The following COG6 variants were observed in gnomAD, a reference collection of about 807,000 sequenced individuals.
The protein encoded by COG6 is conserved oligomeric Golgi complex subunit 6.
Under a neutral mutation model 88.8 loss-of-function variants are expected in COG6, and 74 were observed. The observed-to-expected ratio is 0.83, with a 90% CI of 0.69 to 1.01. The LOEUF is 1.01. Ranked by LOEUF, COG6 falls within the 50% of genes least tolerant of loss-of-function variation. COG6 has a pLI of 0.00. For synonymous variants in COG6, 286 were observed against 278.7 expected, an observed-to-expected ratio of 1.03 and a Z score of -0.26; for missense variants, 800 against 797.9, an observed-to-expected ratio of 1.00 and a Z score of -0.03.
chr13:39,757,042 C>T (rs1880858772), downstream of COG6, among the ~76,000 whole-genome samples: 3 of 152,204 alleles, frequency 2.0e-5, no homozygotes, highest in South Asian at 6.2e-4. Context: ...ACACATTCCT[C>T]TCAAATACAC....
At chr13:39,755,968 G>A (rs9603611), downstream of COG6, among the ~76,000 whole-genome samples, 32,764 of 152,078 alleles carry the variant, frequency 0.22, 3,664 homozygotes, top group Non-Finnish European at 0.24. Context: ...AACAACAAAC[G>A]GGGTGGGGCA....
exon 19 of COG6, chr13:39,790,517 T>C (rs757578434): frequency 1.3e-5 from 2 of 152,150 alleles, no homozygotes; most frequent in African/African-American, 2.4e-5. Context: ...TATGTTTTAA[T>C]ATCTCATAGA....
chr13:39,702,055 A>G (rs1233510994), intron 13 of COG6, among the ~76,000 whole-genome samples: 1 of 152,070 alleles, frequency 6.6e-6, no homozygotes, highest in East Asian at 1.9e-4. Flanking sequence ...AAACTTAGAG[A>G]GTACCATGTG....
intron 18 of COG6, among the ~76,000 whole-genome samples, chr13:39,734,666 TG>T (rs1879639389): frequency 6.6e-6 from 1 of 152,182 alleles, no homozygotes; most frequent in Non-Finnish European, 1.5e-5. Flanking sequence ...ATTTTCTCTC[TG>T]GGAAGTCTGT....
At chr13:39,742,847 G>T (rs1372675429) in intron 18 of COG6, among the ~76,000 whole-genome samples, 3 of 152,034 alleles carry the variant, frequency 2.0e-5, no homozygotes, top group African/African-American at 7.2e-5. Context: ...TGACCACATA[G>T]TTCGAAGTAA....
chr13:39,749,744 A>G (rs1880522652), intron 18 of COG6, among the ~76,000 whole-genome samples: 1 of 152,192 alleles, frequency 6.6e-6, no homozygotes, highest in South Asian at 2.1e-4. Flanking sequence ...AGCAAACCAG[A>G]GCCCAGAGAA....
At chr13:39,675,732 C>T (rs926872962) in intron 4 of COG6, among the ~76,000 whole-genome samples, 1 of 151,800 alleles carries the variant, frequency 6.6e-6, no homozygotes, top group African/African-American at 2.4e-5. Context: ...TTCCTTTGTG[C>T]CTAATAAATT....
At chr13:39,709,016 G>A (rs1472431628) in intron 13 of COG6, among the ~76,000 whole-genome samples, 1 of 152,086 alleles carries the variant, frequency 6.6e-6, no homozygotes, top group Admixed American at 6.6e-5. Flanking sequence ...GCAATATATG[G>A]CTCAAGGAGA....
chr13:39,656,010 C>G, intron 1 of COG6, 131 bp downstream of exon 1: 3 of 1,183,722 alleles, frequency 2.5e-6, no homozygotes. Flanking sequence ...GACCCCAGAC[C>G]TGCGGGCTCC....
rs4346098 is a variant in COG6, at chr13:39,682,346, G to A, written c.788+82G>A. ...TTTAAATTTTAGTATTATCAAAAGC[G>A]TATATAATAGTTTGAGTAATATTTA... On this transcript the variant is annotated intron_variant, in intron 8 of 18. Transcript: ENST00000455146. The A allele has an allele frequency of 0.25, 193,307 of 774,498 alleles. 24,990 individuals carry two copies. The highest frequency in any genetic ancestry group is 0.28 in the Non-Finnish European group (123,874 of 443,346). The allele number at this position is 774,498 out of a possible 1,614,324, so 48.0% of individuals were successfully genotyped here.
At chr13:39,673,504 T>G (rs1402383402) in intron 4 of COG6, among the ~76,000 whole-genome samples, 1 of 151,998 alleles carries the variant, frequency 6.6e-6, no homozygotes, top group Non-Finnish European at 1.5e-5. Flanking sequence ...TCTTCTTTTT[T>G]TCTATTTTAG....
At chr13:39,757,641 CAG>C (rs1880881281) in intron 18 of COG6, among the ~76,000 whole-genome samples, 1 of 149,584 alleles carries the variant, frequency 6.7e-6, no homozygotes, top group Non-Finnish European at 1.5e-5. Flanking sequence ...ATAAGGATAA[CAG>C]AATTCTATTA....
chr13:39,745,231 G>C (rs1039707487), intron 18 of COG6, among the ~76,000 whole-genome samples: 8 of 152,104 alleles, frequency 5.3e-5, no homozygotes, highest in Non-Finnish European at 1.2e-4. Context: ...AAAAGCCAAA[G>C]TAGGAAAATA....
At chr13:39,704,923 C>T (rs539951761) in intron 13 of COG6, among the ~76,000 whole-genome samples, 7 of 152,136 alleles carry the variant, frequency 4.6e-5, no homozygotes, top group South Asian at 2.1e-4. Flanking sequence ...CATTAGATTG[C>T]GACCGTGTTA....
At position 39,751,613 on chromosome 13, in the gene COG6, GA is replaced by G; in HGVS notation, c.*525del. 7.8e-7 allele frequency: 1 copy of G among 1,287,096 alleles called. No homozygotes were observed. 79.7% of individuals were successfully genotyped at this position (1,287,096 alleles called of 1,614,324 possible). A position where few individuals can be genotyped will look rare whatever the true frequency, so the allele number is the denominator to read the frequency against. ...GCCCTTAAAGAGTTGTTAGCAGAGA[GA>G]AAAATAACAGTGAATGTGCTCCTGG... On this transcript the variant is annotated 3_prime_UTR_variant, in exon 19 of 19. Coordinates refer to ENST00000455146, the MANE Select transcript of COG6 (RefSeq NM_020751.3).
intron 4 of COG6, among the ~76,000 whole-genome samples, chr13:39,676,596 A>C (rs1482009908): frequency 6.6e-6 from 1 of 152,178 alleles, no homozygotes; most frequent in Non-Finnish European, 1.5e-5. Flanking sequence ...GTGCAAATAA[A>C]ACAGAGGTGG....
intron 8 of COG6, among the ~76,000 whole-genome samples, chr13:39,682,780 G>A (rs952251854): frequency 1.3e-5 from 2 of 151,596 alleles, no homozygotes; most frequent in South Asian, 2.1e-4. Flanking sequence ...AATGCATTTT[G>A]TATTTGTTGA....
intron 13 of COG6, among the ~76,000 whole-genome samples, chr13:39,711,963 G>C (rs183678003): frequency 3.3e-5 from 5 of 152,114 alleles, no homozygotes; most frequent in Non-Finnish European, 1.5e-5. Flanking sequence ...GGGTTCAAGC[G>C]ATTCTCCAGC....
In COG6 at chr13:39,680,034, G is replaced by A. The variant is rs775566098; in HGVS notation, c.683G>A (p.Arg228Gln). Residue 228 changes from arginine to glutamine, a missense_variant, in exon 7 of 19, where the codon CGA (arginine) becomes CAA (glutamine). Physicochemically the swap from Arg to Gln is conservative, Grantham distance 43. Transcript: ENST00000455146. Reference sequence around the variant, plus strand: ...GAAACGGCTTATGAAAGACTTTACCGATGGGCTCAAAGTAAGTGATTTCTT... The same window carrying A: ...GAAACGGCTTATGAAAGACTTTACCAATGGGCTCAAAGTAAGTGATTTCTT... ...LQETAYERLY[R>Q]WAQSECRTLT... 7.6e-6 allele frequency: 12 copies of A among 1,581,450 alleles called. No homozygotes were observed. The highest frequency in any genetic ancestry group is 2.2e-5 in the East Asian group (1 of 44,556).
Sources: allele counts gnomAD v4.1 joint callset (sites outside exome capture counted in the v4.1 genomes callset), GRCh38; gene constraint gnomAD v4.1.1; transcripts MANE v1.5; gene names NCBI Gene and HGNC (gene_info 2026-07-23, HGNC 2026-07-21).